ZFYVE28: variants seen among roughly 807,000 people sequenced by gnomAD.
ZFYVE28 encodes lateral signaling target protein 2 homolog.
Under a neutral mutation model 82.1 loss-of-function variants are expected in ZFYVE28, and 40 were observed. The observed-to-expected ratio is 0.49, with a 90% confidence interval of 0.38 to 0.63. The LOEUF is 0.63. Ranked by LOEUF, ZFYVE28 falls within the 30% of genes least tolerant of loss-of-function variation. ZFYVE28 has a pLI of 0.00. For synonymous variants in ZFYVE28, 612 were observed against 546.1 expected (o/e 1.12, Z -1.68); for missense variants, 1,321 against 1,242.1 (o/e 1.06, Z -0.96).
intron 9 of ZFYVE28, among the ~76,000 whole-genome samples, chr4:2,273,819 C>T (rs1421446836): frequency 6.6e-6 from 1 of 152,174 alleles, no homozygotes; most frequent in East Asian, 1.9e-4. Flanking sequence ...ACCCCACTGC[C>T]CCCGCCGCCA....
chr4:2,334,577 A>G (rs1480974660), intron 6 of ZFYVE28, among the ~76,000 whole-genome samples: 1 of 151,418 alleles, frequency 6.6e-6, no homozygotes, highest in Non-Finnish European at 1.5e-5. Context: ...GGCCTCAGTG[A>G]GGTCTCTCCA....
chr4:2,374,712 A>G (rs1727932546), intron 1 of ZFYVE28, among the ~76,000 whole-genome samples: 1 of 152,242 alleles, frequency 6.6e-6, no homozygotes, highest in Admixed American at 6.5e-5. Flanking sequence ...AAATGCCCAC[A>G]TATCTATGAA....
At chr4:2,354,108 G>T in intron 1 of ZFYVE28, 35 bp from the exon 2 acceptor site, 1 of 1,473,458 alleles carries the variant, frequency 6.8e-7, no homozygotes, top group East Asian at 2.6e-5. Context: ...ATGAGTGGGT[G>T]GGGAACTGGA....
At position 2,372,449 on chromosome 4, in the gene ZFYVE28, G is replaced by A. The variant is rs139166969; in HGVS notation, c.40-18376C>T. Among the ~76,000 whole-genome samples the A allele has an allele frequency of 0.037, 4,976 of 136,180 alleles. 124 individuals are homozygous for A. Among genetic ancestry groups the A allele is most frequent in the Admixed American group, 0.046 (606 of 13,222 alleles). The allele number at this position is 136,180 out of a possible 152,430, so 89.3% of individuals were successfully genotyped here. On this transcript the variant is annotated intron_variant, in intron 1 of 12. Transcript: ENST00000290974. This position sits in a 1 kb window ranked among gnomAD's most constrained non-coding sequence, Gnocchi z 5.2. ...CCAGTGCTGGGTCTTTGGCCTCAAG[G>A]TTCACCCAACACCTGACTCACCCGA...
chr4:2,274,021 G>A (rs761044457), intron 9 of ZFYVE28, 41 bp downstream of exon 9: 1 of 1,607,012 alleles, frequency 6.2e-7, no homozygotes, highest in East Asian at 2.2e-5. Flanking sequence ...CAGCCCGTGT[G>A]TCCTCAAGCC....
rs1163859270 is a variant in ZFYVE28 at position 2,341,225 on chromosome 4, A to G, written c.318+253T>C. ...GTCCTGGCTGTCTGGGGGCCTGTGA[A>G]CCTCATAAAAACCACATGGGAAATT... On this transcript the variant is annotated intron_variant, in intron 3 of 12. Coordinates refer to ENST00000290974, the MANE Select transcript of ZFYVE28 (RefSeq NM_020972.3). The surrounding 1 kb of genome is among the most constrained non-coding windows in gnomAD (Gnocchi z 4.5). 2.0e-5 allele frequency: 11 copies of G among 562,090 alleles called. No homozygotes were observed. The highest frequency in any genetic ancestry group is 3.2e-5 in the Non-Finnish European group (10 of 317,128). 34.8% of individuals were successfully genotyped at this position (562,090 alleles called of 1,614,324 possible). A position where few individuals can be genotyped will look rare whatever the true frequency, so the allele number is the denominator to read the frequency against.
intron 2 of ZFYVE28, among the ~76,000 whole-genome samples, chr4:2,349,952 T>C (rs1724114393): frequency 6.6e-6 from 1 of 151,938 alleles, no homozygotes; most frequent in African/African-American, 2.4e-5. Flanking sequence ...CAGAGTTCCA[T>C]CATTAACAAA....
intron 1 of ZFYVE28, among the ~76,000 whole-genome samples, chr4:2,368,334 G>A (rs570334205): frequency 6.6e-6 from 1 of 152,250 alleles, no homozygotes; most frequent in South Asian, 2.1e-4. Flanking sequence ...CCCGGGAGGT[G>A]GAAGTTAGAG....
rs140882712 is a variant in ZFYVE28, at chr4:2,378,322, C to T, written c.40-24249G>A. 7.3e-3 allele frequency among the ~76,000 whole-genome samples: 1,106 copies of T among 152,272 alleles called. 11 individuals carry two copies. Among genetic ancestry groups the T allele is most frequent in the South Asian group, 0.024 (116 of 4,826 alleles). ...CACTACCACACTCCAACCTGGGTGA[C>T]GGAGCAAGACCCTGTCTCAAAAAAA... is the stretch of plus-strand genomic sequence containing the variant. On this transcript the variant is annotated intron_variant, in intron 1 of 12. Coordinates refer to ENST00000290974, the MANE Select transcript of ZFYVE28 (RefSeq NM_020972.3).
chr4:2,306,084 CAA>C (rs1230792232), intron 7 of ZFYVE28, among the ~76,000 whole-genome samples: 1 of 152,226 alleles, frequency 6.6e-6, no homozygotes, highest in Non-Finnish European at 1.5e-5. Context: ...CAGCTGCAAC[CAA>C]AGACAATGCA....
chr4:2,378,640 G>A (rs2108911821), intron 1 of ZFYVE28, among the ~76,000 whole-genome samples: 1 of 152,260 alleles, frequency 6.6e-6, no homozygotes, highest in South Asian at 2.1e-4. Flanking sequence ...CCCGGCTGGG[G>A]CTGGTCCTCC....
chr4:2,368,540 A>G (rs1323346222), intron 1 of ZFYVE28, among the ~76,000 whole-genome samples: 1 of 152,008 alleles, frequency 6.6e-6, no homozygotes, highest in Non-Finnish European at 1.5e-5. Flanking sequence ...CATCGACTTT[A>G]TCTCTGGATT....
At chr4:2,333,512 AAC>A (rs199926309) in intron 6 of ZFYVE28, among the ~76,000 whole-genome samples, 1,888 of 152,078 alleles carry the variant, frequency 0.012, 21 homozygotes, top group Non-Finnish European at 0.02. Context: ...AAAGTCCCGA[AAC>A]ACAGTATGCC....
chr4:2,282,215 C>G (rs1364303861), intron 8 of ZFYVE28, among the ~76,000 whole-genome samples: 1 of 152,240 alleles, frequency 6.6e-6, no homozygotes, highest in Middle Eastern at 3.2e-3. Context: ...TGCTTCCTGC[C>G]ACTCTCTTAC....
intron 1 of ZFYVE28, among the ~76,000 whole-genome samples, chr4:2,405,282 T>G (rs1731748024): frequency 6.6e-6 from 1 of 152,218 alleles, no homozygotes; most frequent in South Asian, 2.1e-4. Flanking sequence ...CGCCACCTGC[T>G]TTTCCATTCT....
intron 8 of ZFYVE28, chr4:2,295,683 T>G (rs1714447505): frequency 6.5e-6 from 1 of 153,004 alleles, no homozygotes; most frequent in Non-Finnish European, 1.5e-5. Flanking sequence ...TCCTGCCACC[T>G]GGGCACCTTT....
intron 7 of ZFYVE28, among the ~76,000 whole-genome samples, chr4:2,313,423 T>C (rs1361906025): frequency 6.6e-6 from 1 of 151,894 alleles, no homozygotes; most frequent in East Asian, 1.9e-4. Flanking sequence ...ACCACACCCA[T>C]TTTTTTACAT....
At chr4:2,315,747 C>A (rs2094366) in intron 7 of ZFYVE28, among the ~76,000 whole-genome samples, 40,174 of 152,062 alleles carry the variant, frequency 0.26, 5,986 homozygotes, top group Middle Eastern at 0.38. Context: ...CTATGATATA[C>A]CCAGGTATGC....
At chr4:2,286,208 G>GGGCT (rs1478978893) in intron 8 of ZFYVE28, 1 of 152,664 alleles carries the variant, frequency 6.6e-6, no homozygotes, top group Admixed American at 6.5e-5. Context: ...CTCCCAGCAT[G>GGGCT]GGCTGCATGG....
Sources: allele counts gnomAD v4.1 joint callset (sites outside exome capture counted in the v4.1 genomes callset), GRCh38; gene constraint gnomAD v4.1.1; non-coding constraint Gnocchi (gnomAD v3.1); transcripts MANE v1.5; gene names NCBI Gene and HGNC (gene_info 2026-07-23, HGNC 2026-07-21).